The following EML6 variants were observed in gnomAD, a reference collection of about 807,000 sequenced individuals.
EML6 encodes EMAP like 6.
In EML6, 154 loss-of-function variants were observed where a neutral mutation model predicts 240.1. That is an observed-to-expected ratio of 0.64 (90% CI 0.56 to 0.73). The LOEUF is 0.73. Among genes scored for constraint, EML6 ranks in the 30% least tolerant of loss-of-function variants. The pLI is 0.00. For synonymous variants in EML6, 1,148 were observed against 899.0 expected (o/e 1.28, Z -4.95); for missense variants, 2,964 against 2,474.6 (o/e 1.20, Z -4.20).
chr2:54,848,524 T>TACACACACAC (rs59587579), intron 9 of EML6, among the ~76,000 whole-genome samples: 40,568 of 145,690 alleles, frequency 0.28, 6,189 homozygotes, highest in Middle Eastern at 0.36. Flanking sequence ...GCTTCCACAC[T>TACACACACAC]ACACACACAC....
intron 12 of EML6, among the ~76,000 whole-genome samples, chr2:54,860,717 G>A (rs756543328): frequency 9.9e-5 from 15 of 152,228 alleles, no homozygotes; most frequent in Non-Finnish European, 1.9e-4. Context: ...CTAGACCATA[G>A]AGAAAGGTGG....
intron 19 of EML6, 127 bp from the exon 20 acceptor site, chr2:54,894,788 T>G: frequency 1.6e-6 from 1 of 613,928 alleles, no homozygotes; most frequent in Non-Finnish European, 2.9e-6. Flanking sequence ...ACCAGAGTTT[T>G]CCATCTCATA....
intron 14 of EML6, chr2:54,868,902 G>A (rs555091489): frequency 7.3e-5 from 26 of 355,144 alleles, no homozygotes; most frequent in Non-Finnish European, 1.1e-4. Flanking sequence ...CATCACAGAT[G>A]TGTTCTCAGA....
rs566080845 is a variant in EML6 at position 54,844,737 on chromosome 2, A to G, written c.1049+489A>G. Among the ~76,000 whole-genome samples the G allele has an allele frequency of 2.6e-5, 4 of 152,334 alleles. No individual in the cohort carries two copies. The East Asian group carries it at 7.7e-4, about 29-fold the overall frequency. On this transcript the variant is annotated intron_variant, in intron 8 of 41. Transcript: ENST00000356458. The stretch of plus-strand genomic sequence containing the variant: ...ATGAAATTTTGAACAGCATCATCAG[A>G]TGAAAGAATCATGGGGCCTGAGAAA...
chr2:54,869,447 G>T, intron 15 of EML6, 80 bp downstream of exon 15: 1 of 1,071,060 alleles, frequency 9.3e-7, no homozygotes. Context: ...AGAAATTCAA[G>T]AAATGCTTGG....
chr2:54,858,773 ATG>A (rs1396921968), intron 11 of EML6, among the ~76,000 whole-genome samples: 1 of 152,176 alleles, frequency 6.6e-6, no homozygotes, highest in African/African-American at 2.4e-5. Flanking sequence ...AAATTTAAAC[ATG>A]TGATAGTTGA....
chr2:54,798,965 A>G (rs1207518247), intron 2 of EML6, among the ~76,000 whole-genome samples: 1 of 152,208 alleles, frequency 6.6e-6, no homozygotes, highest in Non-Finnish European at 1.5e-5. Flanking sequence ...TAATTTGCTG[A>G]CAGCATTTAT....
intron 28 of EML6, among the ~76,000 whole-genome samples, chr2:54,943,514 T>C (rs1211003093): frequency 1.3e-5 from 2 of 152,216 alleles, no homozygotes; most frequent in Non-Finnish European, 2.9e-5. Context: ...ACCTTTTTCC[T>C]TTCTCATTCA....
chr2:54,846,822 C>G (rs1369060425), intron 8 of EML6, among the ~76,000 whole-genome samples: 3 of 151,930 alleles, frequency 2.0e-5, no homozygotes, highest in Admixed American at 2.0e-4. Context: ...GCATCTTATC[C>G]TGTAAGTACT....
At chr2:54,941,290 A>G (rs771510653) in intron 28 of EML6, among the ~76,000 whole-genome samples, 6 of 151,852 alleles carry the variant, frequency 4.0e-5, no homozygotes, top group African/African-American at 4.8e-5. Flanking sequence ...TCTGCTGTTC[A>G]CTCATATGTG....
chr2:54,866,780 T>G lies in EML6; in HGVS notation c.1947T>G (p.Asp649Glu). The G allele has an allele frequency of 6.5e-7, 1 of 1,549,828 alleles. No individual in the cohort carries two copies. The highest frequency in any genetic ancestry group is 8.7e-7 in the Non-Finnish European group (1 of 1,145,382). ...TGTACTTTAAGGTTTACAAAGAAGATCTACCTCAGCTAAAGCAACAAAGTA... is the reference window on the plus strand; with the variant it reads ...TGTACTTTAAGGTTTACAAAGAAGAGCTACCTCAGCTAAAGCAACAAAGTA... ...INYDRQVYKEDLPQLKQQSKE... is the reference protein window; with the variant it reads ...INYDRQVYKEELPQLKQQSKE... The change falls in exon 14 of 42, where the codon GAT (aspartate) becomes GAG (glutamate). Residue 649 changes from aspartate to glutamate, a missense_variant. Transcript: ENST00000356458.
intron 2 of EML6, among the ~76,000 whole-genome samples, chr2:54,741,522 A>G (rs144239490): frequency 1.5e-3 from 229 of 152,324 alleles, no homozygotes; most frequent in African/African-American, 5.3e-3. Context: ...CATCAGCACC[A>G]GAAACATGAC....
chr2:54,724,811 C>A lies in EML6; in HGVS notation c.-251C>A, dbSNP rs144026298. ...GCGCCGGTGCCGGCGCCCCCAGAGC[C>A]GCCTTGCCCGGGTAGAGGGAGCCCG... is the stretch of plus-strand genomic sequence containing the variant. On this transcript the variant is annotated 5_prime_UTR_variant, in exon 2 of 42. Transcript: ENST00000356458. The surrounding 1 kb of genome is among the most constrained non-coding windows in gnomAD (Gnocchi z 5.2). 3.1e-5 allele frequency: 5 copies of A among 161,272 alleles called. No individual in the cohort carries two copies. Among genetic ancestry groups the A allele is most frequent in the Non-Finnish European group, 5.3e-5 (4 of 75,150 alleles). 10.0% of individuals were successfully genotyped at this position (161,272 alleles called of 1,614,324 possible).
At chr2:54,810,298 A>C (rs1261699290) in intron 2 of EML6, among the ~76,000 whole-genome samples, 1 of 152,244 alleles carries the variant, frequency 6.6e-6, no homozygotes, top group African/African-American at 2.4e-5. Context: ...CAGCATAAAA[A>C]TACTTTAAAT....
chr2:54,953,684 T>C (rs7587804), intron 31 of EML6, among the ~76,000 whole-genome samples: 89,056 of 151,826 alleles, frequency 0.59, 29,204 homozygotes, highest in Non-Finnish European at 0.74. Flanking sequence ...GTCAGGAGTT[T>C]GAGACCAGCC....
At chr2:54,787,936 A>G (rs933271949) in intron 2 of EML6, among the ~76,000 whole-genome samples, 10 of 152,128 alleles carry the variant, frequency 6.6e-5, no homozygotes, top group African/African-American at 2.4e-4. Context: ...AACTTCCCTC[A>G]CCTGTGCGGT....
At chr2:54,836,426 T>G (rs1205141328) in intron 7 of EML6, among the ~76,000 whole-genome samples, 3 of 152,172 alleles carry the variant, frequency 2.0e-5, no homozygotes, top group African/African-American at 7.2e-5. Flanking sequence ...AGCAGAGATT[T>G]TGTAAAAAGA....
Position 54,827,677 on chromosome 2 carries a change from T to C in EML6, c.637T>C (p.Ser213Pro), listed in dbSNP as rs1391144809. The C allele has an allele frequency of 1.0e-5, 16 of 1,551,672 alleles. No homozygotes were observed. Among genetic ancestry groups the C allele is most frequent in the Non-Finnish European group, 1.0e-5 (12 of 1,146,910 alleles). The change falls in exon 6 of 42, where the codon TCT (serine) becomes CCT (proline). Residue 213 changes from serine (S) to proline (P), a missense_variant. Transcript: ENST00000356458. ...ATGTGCCAAAGAAGACATCACCTAC[T>C]CTGGTGCTTTAAATGGTGACATCTA... ...LACAKEDITY[S>P]GALNGDIYVW...
chr2:54,780,400 T>G (rs1447534871), intron 2 of EML6, among the ~76,000 whole-genome samples: 1 of 152,226 alleles, frequency 6.6e-6, no homozygotes, highest in Non-Finnish European at 1.5e-5. Flanking sequence ...CTTGCATAGA[T>G]AGATAGTTGA....
Sources: allele counts gnomAD v4.1 joint callset (sites outside exome capture counted in the v4.1 genomes callset), GRCh38; gene constraint gnomAD v4.1.1; non-coding constraint Gnocchi (gnomAD v3.1); transcripts MANE v1.5; gene names NCBI Gene and HGNC (gene_info 2026-07-23, HGNC 2026-07-21).